The following CCDC138 variants were observed in gnomAD, a reference collection of about 807,000 sequenced individuals.
The protein encoded by CCDC138 is coiled-coil domain containing 138.
A neutral mutation model predicts 82.3 loss-of-function variants in CCDC138; 66 were observed. The ratio of observed to expected loss-of-function variants is 0.80; its 90% CI spans 0.66 to 0.98. CCDC138 has a LOEUF of 0.98. CCDC138 is among the 50% of genes least tolerant of loss of function. The pLI, the probability that CCDC138 is intolerant of heterozygous loss-of-function variation, is 0.00. For synonymous variants in CCDC138, 297 were observed against 265.4 expected, an observed-to-expected ratio of 1.12 and a Z score of -1.16; for missense variants, 816 against 758.9, an observed-to-expected ratio of 1.08 and a Z score of -0.88.
intron 12 of CCDC138, among the ~76,000 whole-genome samples, chr2:108,849,799 T>C (rs1031125273): frequency 1.4e-4 from 21 of 152,230 alleles, no homozygotes. Context: ...CCTGTGGGGT[T>C]CCAGTGTTCA....
chr2:108,857,040 A>G, intron 13 of CCDC138, 70 bp downstream of exon 13: 1 of 347,304 alleles, frequency 2.9e-6, no homozygotes, highest in Non-Finnish European at 5.4e-6. Context: ...GTCTGCATGT[A>G]TAACTCCACA....
intron 11 of CCDC138, among the ~76,000 whole-genome samples, chr2:108,842,723 A>G (rs1447557183): frequency 1.3e-5 from 2 of 152,096 alleles, no homozygotes; most frequent in Non-Finnish European, 2.9e-5. Flanking sequence ...GGGGGAGGGG[A>G]TGGGGATTTA....
intron 10 of CCDC138, among the ~76,000 whole-genome samples, chr2:108,820,699 C>CAAAAAA (rs764017401): frequency 9.6e-5 from 6 of 62,586 alleles, no homozygotes; most frequent in Admixed American, 1.9e-4. Context: ...ATTCAAAGTG[C>CAAAAAA]AAAAAAAAAA....
At chr2:108,805,810 T>C (rs1294768726) in intron 7 of CCDC138, among the ~76,000 whole-genome samples, 2 of 152,166 alleles carry the variant, frequency 1.3e-5, no homozygotes, top group Non-Finnish European at 2.9e-5. Flanking sequence ...TCTATTTTTT[T>C]CCTTCCATCT....
intron 12 of CCDC138, among the ~76,000 whole-genome samples, chr2:108,852,428 C>G (rs747500112): frequency 1.1e-4 from 16 of 152,090 alleles, no homozygotes; most frequent in Non-Finnish European, 2.1e-4. Flanking sequence ...AGAAATTGTT[C>G]TATTATAAGG....
chr2:108,881,051 G>A (rs1403799523), downstream of CCDC138, among the ~76,000 whole-genome samples: 3 of 152,202 alleles, frequency 2.0e-5, no homozygotes, highest in African/African-American at 7.2e-5. Context: ...AGTAACTGCC[G>A]ATGTGGTGGG....
intron 13 of CCDC138, among the ~76,000 whole-genome samples, chr2:108,857,396 T>C (rs1325400719): frequency 6.6e-6 from 1 of 152,118 alleles, no homozygotes; most frequent in Non-Finnish European, 1.5e-5. Flanking sequence ...CTTAAAAATA[T>C]TTTTGATGCT....
chr2:108,789,524 G>T (rs183187910), intron 3 of CCDC138, among the ~76,000 whole-genome samples: 1 of 152,312 alleles, frequency 6.6e-6, no homozygotes, highest in East Asian at 1.9e-4. Flanking sequence ...AACCCGGGAG[G>T]TGGAGGTTGC....
rs769222358 is a variant in CCDC138, at chr2:108,786,831, G to A, written c.9G>A (p.Pro3=). The A allele has an allele frequency of 2.5e-6, 4 of 1,591,262 alleles. No homozygotes were observed. Among genetic ancestry groups the A allele is most frequent in the Non-Finnish European group, 3.4e-6 (4 of 1,170,346 alleles). The change falls in exon 1 of 15, where the codon CCG becomes CCA. Residue 3 remains proline, a synonymous_variant. Coordinates refer to ENST00000295124, the MANE Select transcript of CCDC138 (RefSeq NM_144978.3). ME[P]RVVKPPGQDL... is the part of the protein sequence containing the mutation. ...TACGGTTGCTGTGTGCTATGGAGCCGAGGGTCGTCAAGCCACCGGGGCAGG... is the reference window on the plus strand; with the variant it reads ...TACGGTTGCTGTGTGCTATGGAGCCAAGGGTCGTCAAGCCACCGGGGCAGG...
intron 4 of CCDC138, among the ~76,000 whole-genome samples, chr2:108,793,054 T>A (rs1308209060): frequency 1.6e-5 from 2 of 126,552 alleles, no homozygotes; most frequent in African/African-American, 3.1e-5. Flanking sequence ...ACAGAGAGAC[T>A]CTGTCTCAAA....
At position 108,840,133 on chromosome 2, in the gene CCDC138, CTTG is replaced by C. The variant is rs1226482940; in HGVS notation, c.1323+835_1323+837del. Among the ~76,000 whole-genome samples the C allele has an allele frequency of 4.6e-5, 7 of 152,128 alleles. No homozygotes were observed. The East Asian group carries it at 9.7e-4, about 21-fold the overall frequency. ...GATACATGTTCTTTTTCATCTTTAA[CTTG>C]TTAATATGAATTACATTGACTTTGA... On this transcript the variant is annotated intron_variant, in intron 11 of 14. Transcript: ENST00000295124.
chr2:108,816,266 C>G (rs920171692), intron 10 of CCDC138, among the ~76,000 whole-genome samples, 161 bp downstream of exon 10: 1 of 152,054 alleles, frequency 6.6e-6, no homozygotes, highest in African/African-American at 2.4e-5. Context: ...GCCTGGGCAA[C>G]GTGGTGCAAC....
chr2:108,849,563 C>G (rs1256950619), intron 12 of CCDC138, among the ~76,000 whole-genome samples: 1 of 152,156 alleles, frequency 6.6e-6, no homozygotes, highest in Non-Finnish European at 1.5e-5. Context: ...CCTTCACTCT[C>G]TAGTCTCCCT....
chr2:108,815,688 C>T (rs980874899), intron 9 of CCDC138, among the ~76,000 whole-genome samples: 1 of 151,784 alleles, frequency 6.6e-6, no homozygotes, highest in Admixed American at 6.6e-5. Context: ...TCTCGAACTC[C>T]TAGGGAACTT....
chr2:108,799,835 A>G (rs1681596387), intron 6 of CCDC138, among the ~76,000 whole-genome samples: 2 of 151,858 alleles, frequency 1.3e-5, no homozygotes, highest in African/African-American at 4.8e-5. Flanking sequence ...TGTTCTTCAG[A>G]TAGTTTCTTG....
chr2:108,790,389 T>C (rs1319560327), intron 3 of CCDC138, among the ~76,000 whole-genome samples: 2 of 152,206 alleles, frequency 1.3e-5, no homozygotes, highest in Non-Finnish European at 2.9e-5. Flanking sequence ...TTTCATAACA[T>C]TGGACCCCTA....
At chr2:108,865,497 A>G (rs1694280094) in intron 13 of CCDC138, among the ~76,000 whole-genome samples, 1 of 152,142 alleles carries the variant, frequency 6.6e-6, no homozygotes, top group Non-Finnish European at 1.5e-5. Flanking sequence ...TGTGCCATAG[A>G]CAAAATAATT....
intron 10 of CCDC138, 79 bp downstream of exon 10, chr2:108,816,184 C>G: frequency 9.5e-7 from 1 of 1,057,768 alleles, no homozygotes. Context: ...GGCACAGTGG[C>G]TCACGTCTAT....
chr2:108,816,186 C>T, intron 10 of CCDC138, 81 bp downstream of exon 10: 1 of 1,033,354 alleles, frequency 9.7e-7, no homozygotes, highest in Non-Finnish European at 1.4e-6. Context: ...CACAGTGGCT[C>T]ACGTCTATAA....
Sources: allele counts gnomAD v4.1 joint callset (sites outside exome capture counted in the v4.1 genomes callset), GRCh38; gene constraint gnomAD v4.1.1; transcripts MANE v1.5; gene names NCBI Gene and HGNC (gene_info 2026-07-23, HGNC 2026-07-21).